Variants in OR1I1 observed in about 807,000 individuals in gnomAD.
OR1I1 encodes olfactory receptor family 1 subfamily I member 1.
For missense variants in OR1I1, 451 were observed against 443.6 expected, an observed-to-expected ratio of 1.02 and a Z score of -0.15; for synonymous variants, 171 against 181.4, an observed-to-expected ratio of 0.94 and a Z score of 0.46.
chr19:15,092,881 CT>C lies in OR1I1; in HGVS notation c.*4749del, dbSNP rs751043076. ...GGGCATGGTGGTGCATGCCTGTAGT[CT>C]CAGCTACTCAGGAGGCTGAGGAAGG... On this transcript the variant is annotated 3_prime_UTR_variant, in exon 2 of 2. Coordinates refer to ENST00000641398, the MANE Select transcript of OR1I1 (RefSeq NM_001004713.2). 5 of 151,884 alleles carry C rather than the reference CT, an allele frequency of 3.3e-5. No individual in the cohort carries two copies. The highest frequency in any genetic ancestry group is 2.0e-4 in the Admixed American group (3 of 15,254). The allele number at this position is 151,884 out of a possible 1,614,324, so 9.4% of individuals were successfully genotyped here.
At position 15,086,869 on chromosome 19, in the gene OR1I1, G is replaced by T; in HGVS notation, c.-13-184G>T. The T allele has an allele frequency of 4.6e-6, 4 of 861,328 alleles. No individual in the cohort carries two copies. The East Asian group carries it at 8.2e-5, about 18-fold the overall frequency. 53.4% of individuals were successfully genotyped at this position (861,328 alleles called of 1,614,324 possible). A position where few individuals can be genotyped will look rare whatever the true frequency, so the allele number is the denominator to read the frequency against. On this transcript the variant is annotated intron_variant, in intron 1 of 1. Coordinates refer to ENST00000641398, the MANE Select transcript of OR1I1 (RefSeq NM_001004713.2). ...GACCCTGACTGTCTCAGGCATGAAT[G>T]ACTTGGCTTGAGGAGCAACAGAAGC...
chr19:15,083,484 C>T (rs1401590511), intron 1 of OR1I1, among the ~76,000 whole-genome samples: 1 of 152,198 alleles, frequency 6.6e-6, no homozygotes, highest in Non-Finnish European at 1.5e-5. Context: ...AAGTCAACAA[C>T]TGAGGACTGT....
At chr19:15,087,013 C>A in intron 1 of OR1I1, 40 bp from the exon 2 acceptor site, 1 of 1,552,764 alleles carries the variant, frequency 6.4e-7, no homozygotes, top group South Asian at 1.3e-5. Context: ...TCTCTGACAC[C>A]TGGCTCTGTG....
intron 1 of OR1I1, among the ~76,000 whole-genome samples, chr19:15,086,265 G>T (rs2046229777): frequency 6.6e-6 from 1 of 152,054 alleles, no homozygotes; most frequent in South Asian, 2.1e-4. Context: ...AGTGAGCTGA[G>T]ATCGTGCCAC....
Position 15,090,856 on chromosome 19 carries a change from C to G in OR1I1, c.*2723C>G, listed in dbSNP as rs1391571441. 2 of 152,248 alleles carry G rather than the reference C, an allele frequency of 1.3e-5. No individual in the cohort carries two copies. Among genetic ancestry groups the G allele is most frequent in the Admixed American group, 6.5e-5 (1 of 15,286 alleles). The allele number at this position is 152,248 out of a possible 1,614,324, so 9.4% of individuals were successfully genotyped here. On this transcript the variant is annotated 3_prime_UTR_variant, in exon 2 of 2. Transcript: ENST00000641398. ...CTGCCCTCCTCGGCTTCACAAAGTG[C>G]TGGGATTGCAGGTGTAAACCACCAC...
chr19:15,083,068 A>G (rs1453514084), intron 1 of OR1I1, among the ~76,000 whole-genome samples: 1 of 152,078 alleles, frequency 6.6e-6, no homozygotes, highest in Non-Finnish European at 1.5e-5. Flanking sequence ...TGGCCCCCCA[A>G]GCAGCTGGGA....
At chr19:15,085,081 G>T (rs894119566) in intron 1 of OR1I1, among the ~76,000 whole-genome samples, 5 of 143,874 alleles carry the variant, frequency 3.5e-5, no homozygotes, top group African/African-American at 1.3e-4. Context: ...GGTGGGCTAG[G>T]CTAAGCTGTG....
rs2046240717 is a variant in OR1I1 at position 15,088,409 on chromosome 19, G to T, written c.*276G>T. On this transcript the variant is annotated 3_prime_UTR_variant, in exon 2 of 2. Transcript: ENST00000641398. ...CTCAAGCCTGTGATCCCAGCATTTT[G>T]GGAGGCCAAGGTGGAAGGATCACTT... 2.7e-6 allele frequency: 1 copy of T among 366,084 alleles called. No homozygotes were observed. Among genetic ancestry groups the T allele is most frequent in the Non-Finnish European group, 5.0e-6 (1 of 199,010 alleles). 22.7% of individuals were successfully genotyped at this position (366,084 alleles called of 1,614,324 possible). A position where few individuals can be genotyped will look rare whatever the true frequency, so the allele number is the denominator to read the frequency against.
chr19:15,087,763 G>T lies in OR1I1; in HGVS notation c.698G>T (p.Gly233Val). The T allele has an allele frequency of 6.2e-7, 1 of 1,614,180 alleles. No homozygotes were observed. The highest frequency in any genetic ancestry group is 1.1e-5 in the South Asian group (1 of 91,086). ...WTVFKIPSTR[G>V]KWKAFSTCGL... ...GTCTTTAAGATCCCTTCTACTCGGG[G>T]CAAGTGGAAAGCCTTCTCCACCTGT... is the stretch of plus-strand genomic sequence containing the variant. The change falls in exon 2 of 2, where the codon GGC becomes GTC. Residue 233 changes from glycine (G) to valine (V), a missense_variant. Gly to Val is a moderately radical substitution (Grantham distance 109). Transcript: ENST00000641398.
Position 15,088,806 on chromosome 19 carries a change from T to TAGATAGATAGATAGATAGAC in OR1I1, c.*690_*691insGACAGATAGATAGATAGATA, listed in dbSNP as rs1568323057. 6 of 121,930 alleles carry TAGATAGATAGATAGATAGAC rather than the reference T, an allele frequency of 4.9e-5. No homozygotes were observed. Among genetic ancestry groups the TAGATAGATAGATAGATAGAC allele is most frequent in the Non-Finnish European group, 7.7e-5 (4 of 52,214 alleles). The allele number at this position is 121,930 out of a possible 1,614,324, so 7.6% of individuals were successfully genotyped here. A position where few individuals can be genotyped will look rare whatever the true frequency, so the allele number is the denominator to read the frequency against. Reference sequence around the variant, plus strand: ...ATAGATAGATAGATAGATAGATAGATAGATAGATAGATAGATATACAGATA... The same window carrying TAGATAGATAGATAGATAGAC: ...ATAGATAGATAGATAGATAGATAGATAGATAGATAGATAGATAGACAGATAGATAGATAGATATACAGATA... On this transcript the variant is annotated 3_prime_UTR_variant, in exon 2 of 2. Coordinates refer to ENST00000641398, the MANE Select transcript of OR1I1 (RefSeq NM_001004713.2).
intron 1 of OR1I1, among the ~76,000 whole-genome samples, chr19:15,083,436 G>A (rs1480925510): frequency 1.3e-5 from 2 of 152,156 alleles, no homozygotes; most frequent in East Asian, 3.9e-4. Flanking sequence ...TGACCCTGAA[G>A]CGTGCTCAAG....
rs1394911883 is a variant in OR1I1, at chr19:15,090,694, C to G, written c.*2561C>G. On this transcript the variant is annotated 3_prime_UTR_variant, in exon 2 of 2. Transcript: ENST00000641398. ...CAACCTCACCTCAAACTCCTGGGCT[C>G]AAGCAATCCTCCTGCCTCAGCCTCC... The G allele has an allele frequency of 2.0e-5, 3 of 152,330 alleles. No homozygotes were observed. The highest frequency in any genetic ancestry group is 2.9e-5 in the Non-Finnish European group (2 of 68,214). 9.4% of individuals were successfully genotyped at this position (152,330 alleles called of 1,614,324 possible).
intron 1 of OR1I1, among the ~76,000 whole-genome samples, chr19:15,085,130 T>TTATATA (rs775570074): frequency 6.3e-4 from 18 of 28,530 alleles, no homozygotes; most frequent in East Asian, 1.5e-3. Flanking sequence ...CATTTTTGAC[T>TTATATA]TATATATATA....
At chr19:15,082,735 A>G (rs2046214199) in intron 1 of OR1I1, among the ~76,000 whole-genome samples, 1 of 144,540 alleles carries the variant, frequency 6.9e-6, no homozygotes, top group Admixed American at 7.0e-5. Context: ...CATTTCAGGG[A>G]AAGGGCTTAG....
At chr19:15,083,211 G>T (rs1028529796) in intron 1 of OR1I1, among the ~76,000 whole-genome samples, 2 of 151,334 alleles carry the variant, frequency 1.3e-5, no homozygotes, top group Admixed American at 1.3e-4. Flanking sequence ...GAGTAGCTGG[G>T]ACTATGGAAG....
At position 15,092,086 on chromosome 19, in the gene OR1I1, G is replaced by GTTTTTTTTTTT. The variant is rs2046258892; in HGVS notation, c.*3953_*3954insTTTTTTTTTTT. 1.4e-5 allele frequency: 1 copy of GTTTTTTTTTTT among 73,648 alleles called. No individual in the cohort carries two copies. The highest frequency in any genetic ancestry group is 1.2e-4 in the African/African-American group (1 of 8,416). 4.6% of individuals were successfully genotyped at this position (73,648 alleles called of 1,614,324 possible). ...TCATTTCACAAATTGGATTTAAAAC[G>GTTTTTTTTTTT]CTTTTTTTTTTTTTTTTTTTTTTTG... is the stretch of plus-strand genomic sequence containing the variant. On this transcript the variant is annotated 3_prime_UTR_variant, in exon 2 of 2. Transcript: ENST00000641398.
intron 1 of OR1I1, 105 bp from the exon 2 acceptor site, chr19:15,086,948 T>C (rs916648068): frequency 7.6e-6 from 11 of 1,441,784 alleles, no homozygotes; most frequent in Admixed American, 2.9e-5. Flanking sequence ...ATGGATTTGA[T>C]GGAATTTTCA....
At position 15,088,069 on chromosome 19, in the gene OR1I1, A is replaced by G; in HGVS notation, c.1004A>G (p.Glu335Gly). 6.3e-7 allele frequency: 1 copy of G among 1,581,164 alleles called. No homozygotes were observed. The highest frequency in any genetic ancestry group is 8.6e-7 in the Non-Finnish European group (1 of 1,156,230). ...PGSLLAARDTEMHPIPYPGGV... is the reference protein window; with the variant it reads ...PGSLLAARDTGMHPIPYPGGV... ...TCACTGTTGGCTGCTAGGGACACAGAGATGCATCCCATCCCCTACCCTGGA... is the reference window on the plus strand; with the variant it reads ...TCACTGTTGGCTGCTAGGGACACAGGGATGCATCCCATCCCCTACCCTGGA... The change falls in exon 2 of 2, where the codon GAG (glutamate) becomes GGG (glycine). Residue 335 changes from glutamate to glycine, a missense_variant. By Grantham distance (98) the Glu-to-Gly change is moderately conservative. Coordinates refer to ENST00000641398, the MANE Select transcript of OR1I1 (RefSeq NM_001004713.2).
Position 15,092,087 on chromosome 19 carries a change from C to CTTTTGTTTTTTT in OR1I1, c.*3958_*3959insGTTTTTTTTTTT, listed in dbSNP as rs2046258948. 1 of 49,008 alleles carries CTTTTGTTTTTTT rather than the reference C, an allele frequency of 2.0e-5. No homozygotes were observed. The highest frequency in any genetic ancestry group is 2.6e-4 in the Admixed American group (1 of 3,916). The allele number at this position is 49,008 out of a possible 1,614,324, so 3.0% of individuals were successfully genotyped here. ...CATTTCACAAATTGGATTTAAAACGCTTTTTTTTTTTTTTTTTTTTTTTGG... is the reference window on the plus strand; with the variant it reads ...CATTTCACAAATTGGATTTAAAACGCTTTTGTTTTTTTTTTTTTTTTTTTTTTTTTTTTTTGG... On this transcript the variant is annotated 3_prime_UTR_variant, in exon 2 of 2. Transcript: ENST00000641398.
Sources: gnomAD v4.1 joint callset for allele counts (sites outside exome capture counted in the v4.1 genomes callset) on GRCh38, gnomAD v4.1.1 for gene constraint, MANE v1.5 for transcripts, NCBI Gene and HGNC (gene_info 2026-07-23, HGNC 2026-07-21) for gene names.